WWOX: variants seen among roughly 807,000 people sequenced by gnomAD.
The protein encoded by WWOX is WW domain-containing oxidoreductase.
In WWOX, 69 loss-of-function variants were observed where a neutral mutation model predicts 46.2. The ratio of observed to expected loss-of-function variants is 1.49; its 90% CI spans 1.23 to 1.82. The LOEUF (loss-of-function observed/expected upper bound fraction) is 1.82, where lower values mean the gene tolerates loss of function less well. Among genes scored for constraint, WWOX ranks in the 40% most tolerant of loss-of-function variants. The pLI is 0.00. For synonymous variants in WWOX, 359 were observed against 202.6 expected (o/e 1.77, Z -6.56); for missense variants, 919 against 542.6 (o/e 1.69, Z -6.89).
chr16:78,878,096 C>G (rs11865743), intron 8 of WWOX, among the ~76,000 whole-genome samples: 16,826 of 152,154 alleles, frequency 0.11, 1,161 homozygotes, highest in South Asian at 0.14. Flanking sequence ...AGTACTGGCT[C>G]AGTAAGTATC....
At chr16:78,484,955 G>C (rs963445939) in intron 8 of WWOX, among the ~76,000 whole-genome samples, 7 of 151,952 alleles carry the variant, frequency 4.6e-5, no homozygotes, top group Non-Finnish European at 7.4e-5. Flanking sequence ...TGTGTACCTG[G>C]CAAGGCACGC....
chr16:78,186,375 C>G (rs1735792420), intron 5 of WWOX, among the ~76,000 whole-genome samples: 2 of 152,040 alleles, frequency 1.3e-5, no homozygotes, highest in Non-Finnish European at 2.9e-5. Context: ...TGTCACAAAT[C>G]CTTAATTGCT....
chr16:79,006,534 C>T (rs939782865), intron 8 of WWOX, among the ~76,000 whole-genome samples: 2 of 151,840 alleles, frequency 1.3e-5, no homozygotes, highest in Admixed American at 6.6e-5. Context: ...ATTTTCCATC[C>T]AACAGACATT....
At chr16:78,447,441 T>G (rs998902152) in intron 8 of WWOX, among the ~76,000 whole-genome samples, 1 of 152,254 alleles carries the variant, frequency 6.6e-6, no homozygotes, top group Non-Finnish European at 1.5e-5. Flanking sequence ...AGTTTAGAAG[T>G]GCTAAGTAAA....
intron 8 of WWOX, among the ~76,000 whole-genome samples, chr16:78,555,846 G>A (rs1212501400): frequency 6.6e-6 from 1 of 152,092 alleles, no homozygotes; most frequent in Non-Finnish European, 1.5e-5. Context: ...GAGAATGCCA[G>A]CTTAAATAAA....
chr16:78,824,826 G>C (rs1012708557), intron 8 of WWOX, among the ~76,000 whole-genome samples: 2 of 152,110 alleles, frequency 1.3e-5, no homozygotes, highest in Non-Finnish European at 2.9e-5. Context: ...AGATTTGGGT[G>C]GAGACACACC....
intron 8 of WWOX, among the ~76,000 whole-genome samples, chr16:78,910,178 G>T (rs538624789): frequency 2.0e-5 from 3 of 152,228 alleles, no homozygotes; most frequent in Non-Finnish European, 2.9e-5. Flanking sequence ...GTCAGGCATA[G>T]ATAGGTGACT....
At chr16:78,859,858 A>T (rs1264900648) in intron 8 of WWOX, among the ~76,000 whole-genome samples, 2 of 152,052 alleles carry the variant, frequency 1.3e-5, no homozygotes, top group African/African-American at 4.8e-5. Context: ...TAAAGACATT[A>T]TTTGCATCTC....
chr16:78,639,156 A>G (rs1567455668), intron 8 of WWOX, among the ~76,000 whole-genome samples: 2 of 152,202 alleles, frequency 1.3e-5, no homozygotes, highest in South Asian at 2.1e-4. Flanking sequence ...CTTGAAACCA[A>G]AAGTCTGTTG....
intron 8 of WWOX, among the ~76,000 whole-genome samples, chr16:79,061,902 T>C (rs1470506875): frequency 6.6e-6 from 1 of 152,218 alleles, no homozygotes; most frequent in Non-Finnish European, 1.5e-5. Flanking sequence ...ATACATGGAA[T>C]GTACAGTAAC....
intron 8 of WWOX, among the ~76,000 whole-genome samples, chr16:78,587,690 G>C (rs1244195585): frequency 6.6e-6 from 1 of 152,136 alleles, no homozygotes. Flanking sequence ...CAGATAGGGA[G>C]GTGCTTGATG....
rs117165452 is a variant in WWOX, at chr16:78,747,665, A to C, written c.1056+314913A>C. Among the ~76,000 whole-genome samples, 53 of 152,204 alleles carry C rather than the reference A, an allele frequency of 3.5e-4. No individual in the cohort carries two copies. The East Asian group carries it at 7.9e-3, about 23-fold the overall frequency. On this transcript the variant is annotated intron_variant, in intron 8 of 8. Coordinates refer to ENST00000566780, the MANE Select transcript of WWOX (RefSeq NM_016373.4). The stretch of plus-strand genomic sequence containing the variant: ...TCTGTTTCTTTTCTTTTGAGCACTT[A>C]CCACTTTCTGAATATGTATACAATT...
intron 8 of WWOX, among the ~76,000 whole-genome samples, chr16:78,996,710 G>A (rs1460347269): frequency 6.6e-6 from 1 of 152,116 alleles, no homozygotes; most frequent in African/African-American, 2.4e-5. Flanking sequence ...TACAGTGACA[G>A]AAAGTAAACA....
chr16:78,435,680 T>C (rs1279917350), intron 8 of WWOX, among the ~76,000 whole-genome samples: 1 of 152,116 alleles, frequency 6.6e-6, no homozygotes, highest in East Asian at 1.9e-4. Context: ...TTCCTGGTGG[T>C]GGCAAGACAA....
chr16:78,108,577 T>C, intron 2 of WWOX, 90 bp downstream of exon 2: 24 of 1,448,008 alleles, frequency 1.7e-5, no homozygotes, highest in Non-Finnish European at 2.3e-5. Flanking sequence ...TTATTGTGTG[T>C]TTAGGGAGGG....
intron 8 of WWOX, among the ~76,000 whole-genome samples, chr16:78,765,807 C>T (rs181744494): frequency 3.3e-5 from 5 of 152,172 alleles, no homozygotes; most frequent in African/African-American, 4.8e-5. Flanking sequence ...GAGAACTCAT[C>T]GCACTATTTC....
At chr16:78,934,131 G>C (rs1016504344) in intron 8 of WWOX, among the ~76,000 whole-genome samples, 2 of 151,688 alleles carry the variant, frequency 1.3e-5, no homozygotes, top group Admixed American at 1.3e-4. Flanking sequence ...GTCAGGAGAT[G>C]GAGACCATCC....
chr16:78,912,187 T>C (rs566394102), intron 8 of WWOX, among the ~76,000 whole-genome samples: 1 of 152,208 alleles, frequency 6.6e-6, no homozygotes, highest in Non-Finnish European at 1.5e-5. Context: ...TAATTAATAC[T>C]AGCTCTTATT....
chr16:78,822,830 A>G (rs2051540406), intron 8 of WWOX, among the ~76,000 whole-genome samples: 1 of 152,156 alleles, frequency 6.6e-6, no homozygotes, highest in Non-Finnish European at 1.5e-5. Context: ...TTGAAAGGTA[A>G]TTCCTAAAGA....
Sources: allele counts gnomAD v4.1 joint callset (sites outside exome capture counted in the v4.1 genomes callset), GRCh38; gene constraint gnomAD v4.1.1; transcripts MANE v1.5; gene names NCBI Gene and HGNC (gene_info 2026-07-23, HGNC 2026-07-21).